The following SH3RF2 variants were observed in gnomAD, a reference collection of about 807,000 sequenced individuals.
SH3RF2 encodes the protein E3 ubiquitin-protein ligase SH3RF2.
A neutral mutation model predicts 59.0 loss-of-function variants in SH3RF2; 43 were observed. The ratio of observed to expected loss-of-function variants is 0.73; its 90% CI spans 0.57 to 0.94. The LOEUF is 0.94. Among genes scored for constraint, SH3RF2 ranks in the 40% least tolerant of loss-of-function variants. The pLI is 0.00. For missense variants in SH3RF2, 930 were observed against 940.1 expected, an observed-to-expected ratio of 0.99 and a Z score of 0.14; for synonymous variants, 391 against 391.5, an observed-to-expected ratio of 1.00 and a Z score of 0.01.
chr5:145,988,666 G>A (rs1417783309), intron 2 of SH3RF2, among the ~76,000 whole-genome samples: 4 of 152,056 alleles, frequency 2.6e-5, no homozygotes, highest in East Asian at 3.9e-4. Context: ...AAAAACTCAC[G>A]CAGAGTGTCT....
chr5:146,005,209 A>G (rs1760594789), intron 4 of SH3RF2, among the ~76,000 whole-genome samples: 1 of 152,158 alleles, frequency 6.6e-6, no homozygotes. Flanking sequence ...GTATAGCTCC[A>G]GTATAATATA....
intron 5 of SH3RF2, among the ~76,000 whole-genome samples, chr5:146,041,836 C>T (rs974309711): frequency 1.1e-4 from 16 of 152,084 alleles, no homozygotes; most frequent in African/African-American, 3.1e-4. Flanking sequence ...GAGGCTGAGG[C>T]GGGAGGATCG....
chr5:145,952,776 G>A (rs368860940), intron 2 of SH3RF2, among the ~76,000 whole-genome samples: 43 of 152,144 alleles, frequency 2.8e-4, no homozygotes, highest in East Asian at 1.7e-3. Flanking sequence ...GGGAGTGATG[G>A]CATCATATAG....
At chr5:145,951,953 A>G (rs1245371512) in intron 2 of SH3RF2, among the ~76,000 whole-genome samples, 2 of 152,178 alleles carry the variant, frequency 1.3e-5, no homozygotes, top group Admixed American at 1.3e-4. Context: ...TGATAGCTGT[A>G]TGACTTTGGA....
At chr5:145,947,192 T>A (rs1235290849) in intron 2 of SH3RF2, among the ~76,000 whole-genome samples, 1 of 149,536 alleles carries the variant, frequency 6.7e-6, no homozygotes, top group Non-Finnish European at 1.5e-5. Flanking sequence ...ATTATATATA[T>A]TTAAATTATT....
chr5:146,080,430 A>C (rs1329354502), exon 10 of SH3RF2: 5 of 152,188 alleles, frequency 3.3e-5, no homozygotes, highest in Non-Finnish European at 7.3e-5. Flanking sequence ...GTTAATATGT[A>C]TGTGAATAAT....
chr5:145,978,592 G>C (rs1207662596), intron 2 of SH3RF2, among the ~76,000 whole-genome samples: 1 of 151,118 alleles, frequency 6.6e-6, no homozygotes, highest in African/African-American at 2.4e-5. Context: ...TTCTGATTGA[G>C]AACATTAATT....
exon 10 of SH3RF2, chr5:146,078,676 T>C (rs1263771206): frequency 6.6e-6 from 1 of 152,240 alleles, no homozygotes; most frequent in Admixed American, 6.5e-5. Context: ...GCAGTATTAA[T>C]GGGTGGTGGG....
At chr5:145,941,352 C>A (rs1757809792) in intron 2 of SH3RF2, among the ~76,000 whole-genome samples, 1 of 152,150 alleles carries the variant, frequency 6.6e-6, no homozygotes, top group Admixed American at 6.5e-5. Flanking sequence ...CCTATTGTGC[C>A]TACATGTCTA....
chr5:145,976,755 G>A (rs796945376), intron 2 of SH3RF2, among the ~76,000 whole-genome samples: 28 of 152,312 alleles, frequency 1.8e-4, no homozygotes, highest in African/African-American at 6.7e-4. Flanking sequence ...AATCTTGCAT[G>A]CCTAAGCCAT....
At chr5:146,044,172 A>C (rs1292510455) in intron 5 of SH3RF2, among the ~76,000 whole-genome samples, 3 of 148,838 alleles carry the variant, frequency 2.0e-5, no homozygotes, top group Non-Finnish European at 4.4e-5. Context: ...TGTTTTTAAG[A>C]CAGAGTCTCG....
At position 146,062,807 on chromosome 5, in the gene SH3RF2, C is replaced by T. The variant is rs1762950854; in HGVS notation, c.*106C>T. On this transcript the variant is annotated 3_prime_UTR_variant, in exon 10 of 10. Coordinates refer to ENST00000359120, the MANE Select transcript of SH3RF2 (RefSeq NM_152550.4). ...ATTCTTTGGGGACTTGAGCATGGGTCCTTGTTCTTCCTATTTCACCTCCAG... is the reference window on the plus strand; with the variant it reads ...ATTCTTTGGGGACTTGAGCATGGGTTCTTGTTCTTCCTATTTCACCTCCAG... The T allele has an allele frequency of 7.0e-7, 1 of 1,427,188 alleles. No individual in the cohort carries two copies. The highest frequency in any genetic ancestry group is 9.3e-7 in the Non-Finnish European group (1 of 1,070,066). The allele number at this position is 1,427,188 out of a possible 1,614,324, so 88.4% of individuals were successfully genotyped here.
chr5:145,938,444 G>C, intron 2 of SH3RF2, 138 bp downstream of exon 2: 1 of 1,051,566 alleles, frequency 9.5e-7, no homozygotes, highest in South Asian at 2.2e-5. Context: ...TCTGTGGGCA[G>C]TGATCATTTT....
At chr5:146,012,178 T>C (rs1760930580) in intron 4 of SH3RF2, among the ~76,000 whole-genome samples, 1 of 152,248 alleles carries the variant, frequency 6.6e-6, no homozygotes, top group Non-Finnish European at 1.5e-5. Context: ...TATGCTGGAT[T>C]ACATTTATTG....
chr5:146,043,395 C>T (rs550792908), intron 5 of SH3RF2, among the ~76,000 whole-genome samples: 36 of 151,264 alleles, frequency 2.4e-4, no homozygotes, highest in South Asian at 4.1e-4. Context: ...TTCCAGACCT[C>T]GAGCTGAGTC....
At chr5:145,956,283 T>A (rs1008493063) in intron 2 of SH3RF2, among the ~76,000 whole-genome samples, 1 of 152,176 alleles carries the variant, frequency 6.6e-6, no homozygotes, top group Admixed American at 6.5e-5. Flanking sequence ...TTTTTATTTA[T>A]TTTTTTATTT....
intron 5 of SH3RF2, among the ~76,000 whole-genome samples, chr5:146,040,015 C>G (rs745423761): frequency 6.6e-6 from 1 of 152,202 alleles, no homozygotes; most frequent in Non-Finnish European, 1.5e-5. Context: ...ACAATGTTCA[C>G]AGATAGACAA....
At chr5:146,012,369 T>C (rs1760938570) in intron 4 of SH3RF2, among the ~76,000 whole-genome samples, 1 of 152,216 alleles carries the variant, frequency 6.6e-6, no homozygotes, top group African/African-American at 2.4e-5. Context: ...AGGATGATGC[T>C]GGCCTCATAA....
chr5:145,938,398 T>G, intron 2 of SH3RF2, 92 bp downstream of exon 2: 7 of 1,399,140 alleles, frequency 5.0e-6, no homozygotes, highest in Non-Finnish European at 6.6e-6. Flanking sequence ...TTAGTTACAT[T>G]CCAGAGTGCT....
Sources: gnomAD v4.1 joint callset for allele counts (sites outside exome capture counted in the v4.1 genomes callset) on GRCh38, gnomAD v4.1.1 for gene constraint, MANE v1.5 for transcripts, NCBI Gene and HGNC (gene_info 2026-07-23, HGNC 2026-07-21) for gene names.